The following MAP2 variants were observed in gnomAD, a reference collection of about 807,000 sequenced individuals.
The protein encoded by MAP2 is microtubule associated protein 2, also known as microtubule-associated protein 2.
Under a neutral mutation model 137.6 loss-of-function variants are expected in MAP2, and 14 were observed. The observed-to-expected ratio is 0.10, with a 90% confidence interval of 0.07 to 0.16. MAP2 has a LOEUF of 0.16. Ranked by LOEUF, MAP2 falls within the 10% of genes least tolerant of loss-of-function variation. The pLI is 1.00. For synonymous variants in MAP2, 786 were observed against 782.3 expected (o/e 1.00, Z -0.08); for missense variants, 2,088 against 2,191.5 (o/e 0.95, Z 0.94).
intron 2 of MAP2, among the ~76,000 whole-genome samples, chr2:209,578,132 C>A (rs181949215): frequency 1.3e-5 from 2 of 152,242 alleles, no homozygotes. Context: ...GGAAACGCTG[C>A]GGGTGCCTGG....
intron 2 of MAP2, among the ~76,000 whole-genome samples, chr2:209,557,936 A>G (rs918533732): frequency 1.3e-5 from 2 of 152,150 alleles, no homozygotes; most frequent in Non-Finnish European, 1.5e-5. Flanking sequence ...TTTCTCCACC[A>G]CTGTATCATG....
chr2:209,664,325 A>G (rs2663658), intron 5 of MAP2, among the ~76,000 whole-genome samples: 37,423 of 152,096 alleles, frequency 0.25, 7,858 homozygotes, highest in African/African-American at 0.58. Context: ...CAAGATGGGC[A>G]GATCACTTGA....
Position 209,468,022 on chromosome 2 carries a change from G to A in MAP2, c.-221-39570G>A, listed in dbSNP as rs186332733. ...CCTTATGACAGGGATCACATTTTAC[G>A]TCATATTATTTGCATGCATATCTTA... On this transcript the variant is annotated intron_variant, in intron 1 of 15. Coordinates refer to ENST00000682079, the MANE Select transcript of MAP2 (RefSeq NM_001375505.1). Among the ~76,000 whole-genome samples, 450 of 152,108 alleles carry A rather than the reference G, an allele frequency of 3.0e-3. 2 individuals carry two copies. Among genetic ancestry groups the A allele is most frequent in the African/African-American group, 0.01 (415 of 41,498 alleles).
intron 1 of MAP2, among the ~76,000 whole-genome samples, chr2:209,425,095 T>A (rs1185853123): frequency 6.6e-6 from 1 of 151,820 alleles, no homozygotes; most frequent in Non-Finnish European, 1.5e-5. Context: ...GAGCTGTATA[T>A]TTGGGTGTGT....
At chr2:209,573,802 C>T (rs1265296330) in intron 2 of MAP2, among the ~76,000 whole-genome samples, 1 of 152,130 alleles carries the variant, frequency 6.6e-6, no homozygotes, top group Admixed American at 6.5e-5. Context: ...TGCCCCAAGC[C>T]TCTGGCAGCC....
At chr2:209,471,346 C>T (rs1367087285) in intron 1 of MAP2, among the ~76,000 whole-genome samples, 1 of 152,120 alleles carries the variant, frequency 6.6e-6, no homozygotes, top group African/African-American at 2.4e-5. Context: ...GTCTTCTCTA[C>T]TAGATTGTAA....
intron 7 of MAP2, among the ~76,000 whole-genome samples, chr2:209,681,519 T>G (rs1321797286): frequency 1.3e-5 from 2 of 152,196 alleles, no homozygotes; most frequent in Non-Finnish European, 2.9e-5. Flanking sequence ...GAATTTTCAT[T>G]CAGAATCTGA....
At chr2:209,546,243 T>G (rs1162040190) in intron 2 of MAP2, among the ~76,000 whole-genome samples, 1 of 152,270 alleles carries the variant, frequency 6.6e-6, no homozygotes, top group Non-Finnish European at 1.5e-5. Flanking sequence ...TTTTTATATA[T>G]ACACATATAT....
intron 5 of MAP2, among the ~76,000 whole-genome samples, chr2:209,654,209 T>C (rs1295256586): frequency 6.6e-6 from 1 of 152,236 alleles, no homozygotes; most frequent in Non-Finnish European, 1.5e-5. Flanking sequence ...AAACACTGCC[T>C]GAACTATTAG....
Position 209,497,291 on chromosome 2 carries a change from A to G in MAP2, c.-221-10301A>G, listed in dbSNP as rs146563239. Among the ~76,000 whole-genome samples the G allele has an allele frequency of 1.8e-3, 267 of 152,224 alleles. 1 individual carries two copies. The highest frequency in any genetic ancestry group is 6.2e-3 in the African/African-American group (257 of 41,540). On this transcript the variant is annotated intron_variant, in intron 1 of 15. Coordinates refer to ENST00000682079, the MANE Select transcript of MAP2 (RefSeq NM_001375505.1). Reference sequence around the variant, plus strand: ...AGAAGAGGAAAAGAGAGTTCTCTAAATTTCCCCACCCATCTTCATGTCTTT... The same window carrying G: ...AGAAGAGGAAAAGAGAGTTCTCTAAGTTTCCCCACCCATCTTCATGTCTTT...
Position 209,653,761 on chromosome 2 carries a change from A to G in MAP2, c.262+329A>G, listed in dbSNP as rs80320907. On this transcript the variant is annotated intron_variant, in intron 5 of 15. Transcript: ENST00000682079. ...AATAGTTTTTTTTTAATTCTCTTAA[A>G]TGACCTTGGACCTAAATCCAATGGA... Among the ~76,000 whole-genome samples the G allele has an allele frequency of 3.4e-3, 519 of 152,342 alleles. 17 individuals are homozygous for G. The East Asian group carries it at 0.073, about 22-fold the overall frequency.
intron 4 of MAP2, among the ~76,000 whole-genome samples, chr2:209,648,182 A>T (rs1375743093): frequency 6.6e-6 from 1 of 151,000 alleles, no homozygotes; most frequent in East Asian, 2.0e-4. Context: ...GCTCACTGCA[A>T]CCTCCGCCTC....
intron 12 of MAP2, among the ~76,000 whole-genome samples, chr2:209,707,752 G>C (rs1205303293): frequency 6.6e-6 from 1 of 152,062 alleles, no homozygotes; most frequent in Non-Finnish European, 1.5e-5. Context: ...GAACAGCAGT[G>C]TGAAGGCCTT....
In MAP2 at chr2:209,731,989, T is replaced by G. The variant is rs1003641741; in HGVS notation, c.*1592T>G. The G allele has an allele frequency of 6.6e-6, 1 of 152,202 alleles. No individual in the cohort carries two copies. Among genetic ancestry groups the G allele is most frequent in the Non-Finnish European group, 1.5e-5 (1 of 68,036 alleles). 9.4% of individuals were successfully genotyped at this position (152,202 alleles called of 1,614,324 possible). On this transcript the variant is annotated 3_prime_UTR_variant, in exon 16 of 16. Transcript: ENST00000682079. ...TAGTTCCTCTCACAAATCATTCATC[T>G]TAGACTTACAAATAAGGAATGAAAT...
chr2:209,522,692 C>T (rs2063453489), intron 2 of MAP2, among the ~76,000 whole-genome samples: 1 of 152,078 alleles, frequency 6.6e-6, no homozygotes, highest in Non-Finnish European at 1.5e-5. Context: ...ATTTAAAGCT[C>T]CATATGGAAG....
intron 1 of MAP2, among the ~76,000 whole-genome samples, chr2:209,429,865 AT>A (rs1452073613): frequency 6.6e-6 from 1 of 152,114 alleles, no homozygotes; most frequent in Admixed American, 6.5e-5. Context: ...ATGAATTGGC[AT>A]GAGAAAGTGT....
At chr2:209,441,307 C>T (rs542866240) in intron 1 of MAP2, among the ~76,000 whole-genome samples, 3 of 147,082 alleles carry the variant, frequency 2.0e-5, no homozygotes, top group South Asian at 2.1e-4. Flanking sequence ...CATAATACCA[C>T]GTTTTATTTC....
rs568816830 is a variant in MAP2, at chr2:209,636,561, T to C, written c.-30+11432T>C. Among the ~76,000 whole-genome samples, 674 of 126,982 alleles carry C rather than the reference T, an allele frequency of 5.3e-3. 2 individuals are homozygous for C. Among genetic ancestry groups the C allele is most frequent in the Non-Finnish European group, 7.8e-3 (519 of 66,644 alleles). The allele number at this position is 126,982 out of a possible 152,430, so 83.3% of individuals were successfully genotyped here. ...TACAATATAATGTTATATACGTATA[T>C]ATTATATATATATATATACACACAC... is the stretch of plus-strand genomic sequence containing the variant. On this transcript the variant is annotated intron_variant, in intron 4 of 15. Coordinates refer to ENST00000682079, the MANE Select transcript of MAP2 (RefSeq NM_001375505.1).
At chr2:209,569,966 A>T (rs1371411354) in intron 2 of MAP2, among the ~76,000 whole-genome samples, 1 of 151,836 alleles carries the variant, frequency 6.6e-6, no homozygotes, top group Non-Finnish European at 1.5e-5. Flanking sequence ...TTGCACTCAT[A>T]TATTCTATAT....
Sources: allele counts gnomAD v4.1 joint callset (sites outside exome capture counted in the v4.1 genomes callset), GRCh38; gene constraint gnomAD v4.1.1; transcripts MANE v1.5; gene names NCBI Gene and HGNC (gene_info 2026-07-23, HGNC 2026-07-21).